Variants in IFT81 observed in about 807,000 individuals in gnomAD.
The protein encoded by IFT81 is intraflagellar transport protein 81 homolog.
A neutral mutation model predicts 102.6 loss-of-function variants in IFT81; 72 were observed. That is an observed-to-expected ratio of 0.70 (90% CI 0.58 to 0.85). The LOEUF is 0.85. Ranked by LOEUF, IFT81 falls within the 40% of genes least tolerant of loss-of-function variation. The pLI, the probability that IFT81 is intolerant of heterozygous loss-of-function variation, is 0.00. For synonymous variants in IFT81, 237 were observed against 242.7 expected (o/e 0.98, Z 0.22); for missense variants, 723 against 787.3 (o/e 0.92, Z 0.98).
At chr12:110,127,918 C>T (rs2036183477) in intron 2 of IFT81, 128 bp from the exon 3 acceptor site, 1 of 657,300 alleles carries the variant, frequency 1.5e-6, no homozygotes, top group Non-Finnish European at 2.6e-6. Context: ...GGGCCTCCAT[C>T]CTTAATCTGT....
chr12:110,185,003 C>T (rs945021647), intron 12 of IFT81, among the ~76,000 whole-genome samples: 11 of 152,294 alleles, frequency 7.2e-5, no homozygotes, highest in Admixed American at 1.3e-4. Context: ...CTGTATTCTT[C>T]CCCAATTCAC....
At chr12:110,161,754 T>C (rs1207566714) in intron 10 of IFT81, among the ~76,000 whole-genome samples, 1 of 152,100 alleles carries the variant, frequency 6.6e-6, no homozygotes, top group African/African-American at 2.4e-5. Flanking sequence ...GCACCCAGCC[T>C]CCTTCATTTT....
At chr12:110,181,453 G>A (rs549983371) in intron 12 of IFT81, among the ~76,000 whole-genome samples, 1 of 152,122 alleles carries the variant, frequency 6.6e-6, no homozygotes, top group African/African-American at 2.4e-5. Flanking sequence ...TGAATTTCCA[G>A]GTTATTTCCA....
intron 4 of IFT81, among the ~76,000 whole-genome samples, chr12:110,129,340 T>C (rs563125430): frequency 9.9e-4 from 147 of 148,946 alleles, no homozygotes; most frequent in African/African-American, 3.5e-3. Flanking sequence ...AGTATGTGAA[T>C]AGAAAAAAAA....
intron 13 of IFT81, among the ~76,000 whole-genome samples, chr12:110,191,778 C>T (rs1897810091): frequency 6.6e-6 from 1 of 152,044 alleles, no homozygotes; most frequent in African/African-American, 2.4e-5. Flanking sequence ...GCCCCAAACC[C>T]TCAGAGTACC....
chr12:110,145,615 T>C (rs1385910267), intron 9 of IFT81, among the ~76,000 whole-genome samples: 2 of 151,508 alleles, frequency 1.3e-5, no homozygotes, highest in African/African-American at 4.9e-5. Context: ...TTTTGTATTT[T>C]TAGTAGAGAT....
chr12:110,173,324 C>A (rs1896870819), intron 11 of IFT81, among the ~76,000 whole-genome samples: 1 of 146,790 alleles, frequency 6.8e-6, no homozygotes, highest in African/African-American at 2.5e-5. Flanking sequence ...CCAGCCACCC[C>A]GTCCGGGAGG....
intron 10 of IFT81, among the ~76,000 whole-genome samples, chr12:110,147,627 G>A (rs1340487451): frequency 3.3e-5 from 5 of 152,116 alleles, no homozygotes; most frequent in Non-Finnish European, 7.4e-5. Flanking sequence ...AAAATACTAA[G>A]CTACATAACA....
intron 12 of IFT81, among the ~76,000 whole-genome samples, chr12:110,182,581 T>C (rs2137523433): frequency 6.6e-6 from 1 of 152,354 alleles, no homozygotes. Context: ...AGATATGCCC[T>C]AATGGATCAT....
chr12:110,148,385 A>G (rs1269185745), intron 10 of IFT81, among the ~76,000 whole-genome samples: 2 of 151,958 alleles, frequency 1.3e-5, no homozygotes, highest in African/African-American at 4.8e-5. Flanking sequence ...CTGAGCAGCC[A>G]CTTACTATTA....
chr12:110,204,517 ACTC>A (rs1164955922), intron 15 of IFT81: 1 of 153,148 alleles, frequency 6.5e-6, no homozygotes, highest in African/African-American at 2.4e-5. Context: ...CATGTGCTCT[ACTC>A]CTCATCCATG....
chr12:110,214,759 T>TGTTTTGATATTTG (rs1203991213), intron 18 of IFT81, among the ~76,000 whole-genome samples: 1 of 152,230 alleles, frequency 6.6e-6, no homozygotes, highest in Non-Finnish European at 1.5e-5. Flanking sequence ...GTTCTTTAAA[T>TGTTTTGATATTTG]AACTTTTATA....
intron 18 of IFT81, chr12:110,216,449 C>T: frequency 8.9e-6 from 4 of 451,936 alleles, no homozygotes; most frequent in Non-Finnish European, 1.8e-5. Flanking sequence ...CCTGCCTTGG[C>T]CTCCCAAAGT....
intron 10 of IFT81, among the ~76,000 whole-genome samples, chr12:110,158,053 T>C (rs2137421484): frequency 6.6e-6 from 1 of 152,224 alleles, no homozygotes; most frequent in Non-Finnish European, 1.5e-5. Context: ...ATTTTATTCT[T>C]TTGTTTTTAT....
rs566798185 is a variant in IFT81 at position 110,188,609 on chromosome 12, C to T, written c.1339-2311C>T. Among the ~76,000 whole-genome samples the T allele has an allele frequency of 3.3e-5, 5 of 151,542 alleles. No homozygotes were observed. In the South Asian group the frequency reaches 6.3e-4, roughly 19 times the overall value. ...TTTGAACTCTCTTCAATACAGTTTT[C>T]GCACTTACCATTCCACTAAAATGTC... On this transcript the variant is annotated intron_variant, in intron 12 of 18. Transcript: ENST00000242591.
chr12:110,149,947 G>T (rs1398156973), intron 10 of IFT81, among the ~76,000 whole-genome samples: 1 of 152,138 alleles, frequency 6.6e-6, no homozygotes, highest in Non-Finnish European at 1.5e-5. Context: ...AGGCAGGAGT[G>T]CCTGTCCTCA....
intron 17 of IFT81, among the ~76,000 whole-genome samples, chr12:110,206,714 T>G (rs939678865): frequency 4.6e-5 from 7 of 151,830 alleles, no homozygotes; most frequent in Admixed American, 1.3e-4. Context: ...ATAGAGTGTC[T>G]TGCAGAATCT....
intron 5 of IFT81, among the ~76,000 whole-genome samples, chr12:110,134,257 G>A (rs147362231): frequency 8.2e-4 from 125 of 152,226 alleles, no homozygotes; most frequent in African/African-American, 3.0e-3. Flanking sequence ...CAGTGCTATC[G>A]GTAATGAGTA....
intron 14 of IFT81, chr12:110,203,304 T>C (rs1244919115): frequency 6.5e-6 from 1 of 153,614 alleles, no homozygotes; most frequent in Non-Finnish European, 1.4e-5. Flanking sequence ...TAAACCAGCA[T>C]AGTAAACTAC....
Sources: gnomAD v4.1 joint callset for allele counts (sites outside exome capture counted in the v4.1 genomes callset) on GRCh38, gnomAD v4.1.1 for gene constraint, MANE v1.5 for transcripts, NCBI Gene and HGNC (gene_info 2026-07-23, HGNC 2026-07-21) for gene names.